STAU2: variants seen among roughly 807,000 people sequenced by gnomAD.
STAU2 encodes the protein staufen double-stranded RNA binding protein 2, also known as double-stranded RNA-binding protein Staufen homolog 2.
STAU2 carries 20 observed loss-of-function variants against 65.9 expected under a neutral mutation model. The ratio of observed to expected loss-of-function variants is 0.30; its 90% CI spans 0.21 to 0.44. STAU2 has a LOEUF of 0.44. Among genes scored for constraint, STAU2 ranks in the 20% least tolerant of loss-of-function variants. STAU2 has a pLI of 1.00. For missense variants in STAU2, 558 were observed against 683.9 expected, an observed-to-expected ratio of 0.82 and a Z score of 2.05; for synonymous variants, 232 against 233.9, an observed-to-expected ratio of 0.99 and a Z score of 0.07.
intron 9 of STAU2, among the ~76,000 whole-genome samples, chr8:73,610,534 G>C (rs1327110025): frequency 2.7e-5 from 2 of 73,990 alleles, no homozygotes; most frequent in African/African-American, 9.6e-5. Flanking sequence ...GTTAGACCCC[G>C]TCTCAAAAAA....
intron 6 of STAU2, among the ~76,000 whole-genome samples, chr8:73,663,394 G>T (rs142664458): frequency 1.3e-5 from 2 of 152,072 alleles, no homozygotes; most frequent in Non-Finnish European, 2.9e-5. Context: ...CGTGACCCAT[G>T]GGCTATAGTT....
intron 9 of STAU2, among the ~76,000 whole-genome samples, chr8:73,606,923 A>G (rs1359124722): frequency 1.3e-5 from 2 of 152,228 alleles, no homozygotes; most frequent in East Asian, 1.9e-4. Flanking sequence ...GCATGCAACA[A>G]TAAGGATGAA....
At chr8:73,568,843 T>C (rs901708530) in intron 12 of STAU2, among the ~76,000 whole-genome samples, 2 of 151,842 alleles carry the variant, frequency 1.3e-5, no homozygotes, top group African/African-American at 4.8e-5. Context: ...TTAAAAGAAA[T>C]GTTTTGATTG....
intron 13 of STAU2, among the ~76,000 whole-genome samples, chr8:73,457,140 C>T (rs144868527): frequency 8.6e-4 from 131 of 152,250 alleles, no homozygotes; most frequent in African/African-American, 2.7e-3. Flanking sequence ...GGGATAGAAA[C>T]GATGACTGTG....
chr8:73,464,325 C>T (rs571664542), intron 13 of STAU2, among the ~76,000 whole-genome samples: 68 of 152,242 alleles, frequency 4.5e-4, no homozygotes, highest in African/African-American at 1.5e-3. Flanking sequence ...AAGGTCCTTG[C>T]GGCTGCTTAC....
chr8:73,717,319 T>G (rs923297659), intron 3 of STAU2, among the ~76,000 whole-genome samples: 1 of 147,824 alleles, frequency 6.8e-6, no homozygotes, highest in Non-Finnish European at 1.5e-5. Flanking sequence ...GTACTTTTAA[T>G]GTATATCTAA....
chr8:73,578,922 A>G (rs1052141104), intron 12 of STAU2, among the ~76,000 whole-genome samples: 5 of 152,158 alleles, frequency 3.3e-5, no homozygotes, highest in Non-Finnish European at 7.3e-5. Flanking sequence ...AAGAAAGTAT[A>G]TATTAATCTG....
chr8:73,474,176 A>G lies in STAU2; in HGVS notation c.1531-51474T>C, dbSNP rs910320011. 2.6e-5 allele frequency among the ~76,000 whole-genome samples: 4 copies of G among 152,188 alleles called. No homozygotes were observed. The South Asian group carries it at 8.3e-4, about 32-fold the overall frequency. ...AACAAAAAAACAAAAAAACCCACAA[A>G]ACCTGGGAAGCTTGAAGAGGAATAC... On this transcript the variant is annotated intron_variant, in intron 13 of 14. Transcript: ENST00000524300.
At chr8:73,495,358 T>C (rs1268733305) in intron 13 of STAU2, among the ~76,000 whole-genome samples, 2 of 151,494 alleles carry the variant, frequency 1.3e-5, no homozygotes, top group African/African-American at 4.8e-5. Context: ...ATTCTGCCAT[T>C]TAATTGGAAT....
At chr8:73,558,161 T>G (rs1807928463) in intron 12 of STAU2, among the ~76,000 whole-genome samples, 1 of 152,162 alleles carries the variant, frequency 6.6e-6, no homozygotes. Context: ...GGTAGGAAAC[T>G]AAATGCAACA....
At chr8:73,536,487 A>G (rs917533932) in intron 13 of STAU2, among the ~76,000 whole-genome samples, 1 of 152,202 alleles carries the variant, frequency 6.6e-6, no homozygotes, top group Non-Finnish European at 1.5e-5. Flanking sequence ...TCCATCCCCA[A>G]CAGCAAAAGT....
At chr8:73,717,653 T>C (rs1821346082) in intron 3 of STAU2, among the ~76,000 whole-genome samples, 1 of 152,116 alleles carries the variant, frequency 6.6e-6, no homozygotes, top group African/African-American at 2.4e-5. Context: ...GTTGTTGTTG[T>C]TGTTGTTGTT....
chr8:73,479,617 A>T (rs1820505743), intron 13 of STAU2, among the ~76,000 whole-genome samples: 1 of 152,112 alleles, frequency 6.6e-6, no homozygotes, highest in Non-Finnish European at 1.5e-5. Context: ...CAAGCACTTA[A>T]GAAAACTAGT....
intron 3 of STAU2, among the ~76,000 whole-genome samples, chr8:73,710,422 G>T (rs1820811941): frequency 7.3e-6 from 1 of 136,068 alleles, no homozygotes; most frequent in Non-Finnish European, 1.6e-5. Context: ...TTCCTTTTAT[G>T]GTCTGTGCTT....
At chr8:73,475,778 G>T (rs933274098) in intron 13 of STAU2, among the ~76,000 whole-genome samples, 1 of 152,122 alleles carries the variant, frequency 6.6e-6, no homozygotes, top group South Asian at 2.1e-4. Context: ...AATGATATGC[G>T]TATGGCCATG....
intron 6 of STAU2, among the ~76,000 whole-genome samples, chr8:73,646,192 C>G (rs187774834): frequency 8.5e-5 from 13 of 152,054 alleles, no homozygotes; most frequent in Non-Finnish European, 1.3e-4. Context: ...GTCTACATAC[C>G]AGCAATAAAT....
At chr8:73,639,081 A>C (rs1197955874) in intron 6 of STAU2, among the ~76,000 whole-genome samples, 1 of 152,076 alleles carries the variant, frequency 6.6e-6, no homozygotes, top group African/African-American at 2.4e-5. Context: ...TACAAAAAAG[A>C]AAAACAAACC....
intron 13 of STAU2, among the ~76,000 whole-genome samples, chr8:73,514,069 G>A (rs998259891): frequency 1.3e-5 from 2 of 152,038 alleles, no homozygotes; most frequent in African/African-American, 4.8e-5. Context: ...GTTGTTTTTT[G>A]GAAAGGGAAT....
At chr8:73,719,571 A>T (rs972572742) in intron 3 of STAU2, among the ~76,000 whole-genome samples, 2 of 152,224 alleles carry the variant, frequency 1.3e-5, no homozygotes, top group Admixed American at 6.5e-5. Flanking sequence ...TATTGAGATG[A>T]TCATGTGATT....
Sources: gnomAD v4.1 joint callset for allele counts (sites outside exome capture counted in the v4.1 genomes callset) on GRCh38, gnomAD v4.1.1 for gene constraint, MANE v1.5 for transcripts, NCBI Gene and HGNC (gene_info 2026-07-23, HGNC 2026-07-21) for gene names.